The following SP1 variants were observed in gnomAD, a reference collection of about 807,000 sequenced individuals.
SP1 encodes the protein Sp1 transcription factor.
In SP1, 6 loss-of-function variants were observed where a neutral mutation model predicts 66.3. The observed-to-expected ratio is 0.09, with a 90% CI of 0.05 to 0.18. The LOEUF is 0.18. Among genes scored for constraint, SP1 ranks in the 10% least tolerant of loss-of-function variants. The pLI, the probability that SP1 is intolerant of heterozygous loss-of-function variation, is 1.00. For synonymous variants in SP1, 417 were observed against 360.8 expected (o/e 1.16, Z -1.77); for missense variants, 848 against 964.5 (o/e 0.88, Z 1.60).
intron 3 of SP1, among the ~76,000 whole-genome samples, chr12:53,401,096 T>C (rs1938599318): frequency 6.6e-6 from 1 of 152,028 alleles, no homozygotes; most frequent in Admixed American, 6.6e-5. Context: ...TTAAACATAT[T>C]GGTTGCCCCA....
At chr12:53,397,582 T>A (rs918811275) in intron 3 of SP1, among the ~76,000 whole-genome samples, 1 of 101,636 alleles carries the variant, frequency 9.8e-6, no homozygotes, top group Non-Finnish European at 2.1e-5. Flanking sequence ...CTTTTTCCTT[T>A]TTTTTTCTTT....
At chr12:53,404,844 T>C (rs1311360893) in intron 3 of SP1, among the ~76,000 whole-genome samples, 1 of 151,524 alleles carries the variant, frequency 6.6e-6, no homozygotes, top group East Asian at 1.9e-4. Context: ...CTAATTATTA[T>C]TATTATTTGG....
rs996647095 is a variant in SP1, at chr12:53,410,516, G to GT, written c.2045-401dup. Reference sequence around the variant, plus strand: ...ATATACTTGAAGTTTTTTGTTTTTTGTTTTTTTTTTGAGACAGAGTCTCTG... The same window carrying GT: ...ATATACTTGAAGTTTTTTGTTTTTTGTTTTTTTTTTTGAGACAGAGTCTCTG... On this transcript the variant is annotated intron_variant, in intron 5 of 5. Transcript: ENST00000327443. Among the ~76,000 whole-genome samples, 374 of 147,296 alleles carry GT rather than the reference G, an allele frequency of 2.5e-3. 3 individuals are homozygous for GT. The highest frequency in any genetic ancestry group is 3.3e-3 in the Non-Finnish European group (220 of 66,420).
chr12:53,406,729 C>T lies in SP1; in HGVS notation c.1820C>T (p.Pro607Leu). ...RRTRREACTC[P>L]YCKDSEGRGS... ...ACCCGGCGGGAAGCATGCACCTGCC[C>T]CTACTGTAAAGACAGTGAAGGAAGG... Residue 607 changes from proline (P) to leucine (L), a missense_variant, in exon 4 of 6, where the codon CCC becomes CTC. Pro to Leu is a moderately conservative substitution (Grantham distance 98, BLOSUM62 -3). Around this residue, in one of 7 missense-constraint regions of SP1, gnomAD observed 18 missense variants for 19.0 expected, o/e 0.95. Transcript: ENST00000327443. 6.2e-7 allele frequency: 1 copy of T among 1,613,908 alleles called. No homozygotes were observed. The highest frequency in any genetic ancestry group is 8.5e-7 in the Non-Finnish European group (1 of 1,179,984).
chr12:53,406,213 G>C (rs1938735396), intron 3 of SP1, among the ~76,000 whole-genome samples: 1 of 151,728 alleles, frequency 6.6e-6, no homozygotes, highest in African/African-American at 2.4e-5. Context: ...TGGGATTACA[G>C]GCATGCGTAC....
intron 3 of SP1, among the ~76,000 whole-genome samples, chr12:53,389,453 C>T (rs1938303625): frequency 6.6e-6 from 1 of 151,886 alleles, no homozygotes; most frequent in African/African-American, 2.4e-5. Context: ...AGGTGATCTG[C>T]CTGCCTCGGC....
intron 3 of SP1, among the ~76,000 whole-genome samples, chr12:53,398,673 G>A (rs1938542523): frequency 6.6e-6 from 1 of 152,200 alleles, no homozygotes; most frequent in African/African-American, 2.4e-5. Flanking sequence ...AACTGTGGTT[G>A]TGCACAAAGG....
At chr12:53,386,327 G>A (rs1284891083) in intron 3 of SP1, among the ~76,000 whole-genome samples, 1 of 152,036 alleles carries the variant, frequency 6.6e-6, no homozygotes, top group Non-Finnish European at 1.5e-5. Context: ...AGAAGAGTTA[G>A]GAATGAGGAG....
At chr12:53,389,984 A>G (rs1938313277) in intron 3 of SP1, among the ~76,000 whole-genome samples, 2 of 152,340 alleles carry the variant, frequency 1.3e-5, no homozygotes, top group African/African-American at 4.8e-5. Flanking sequence ...TTCTCTTAGA[A>G]GTTAAGTTGA....
Position 53,382,189 on chromosome 12 carries a change from C to T in SP1, c.242C>T (p.Ser81Phe). The stretch of plus-strand genomic sequence containing the variant: ...TCACCCAATGAGAACAGCAACAACT[C>T]CCAGGGCCCGAGTCAGTCAGGGGGA... ...IESPNENSNNSQGPSQSGGTG... is the reference protein window; with the variant it reads ...IESPNENSNNFQGPSQSGGTG... The change falls in exon 3 of 6, where the codon TCC becomes TTC. Residue 81 changes from serine (S) to phenylalanine (F), a missense_variant. Around this residue, in one of 7 missense-constraint regions of SP1, gnomAD observed 606 missense variants for 589.9 expected, o/e 1.03. Transcript: ENST00000327443. 1 of 1,614,072 alleles carries T rather than the reference C, an allele frequency of 6.2e-7. No individual in the cohort carries two copies. The highest frequency in any genetic ancestry group is 2.2e-5 in the East Asian group (1 of 44,906).
At chr12:53,409,255 T>TA in intron 4 of SP1, 107 bp from the exon 5 acceptor site, 1 of 898,100 alleles carries the variant, frequency 1.1e-6, no homozygotes, top group South Asian at 1.7e-5. Flanking sequence ...TTTCAAAAAA[T>TA]AAAAGTTTGG....
chr12:53,399,212 C>T (rs557520907), intron 3 of SP1, among the ~76,000 whole-genome samples: 5 of 152,272 alleles, frequency 3.3e-5, no homozygotes, highest in Non-Finnish European at 7.3e-5. Flanking sequence ...CTGTGATGAA[C>T]ATCCTTATCA....
rs1394329207 is a variant in SP1 at position 53,414,027 on chromosome 12, AG to A, written c.*2788del. 1 of 152,206 alleles carries A rather than the reference AG, an allele frequency of 6.6e-6. No individual in the cohort carries two copies. Among genetic ancestry groups the A allele is most frequent in the African/African-American group, 2.4e-5 (1 of 41,454 alleles). The allele number at this position is 152,206 out of a possible 1,614,324, so 9.4% of individuals were successfully genotyped here. ...CTTCTTTTGTCTCCCAGCAGTAGTG[AG>A]CCACTCAGTCTCTTCCACAGGAAGT... is the stretch of plus-strand genomic sequence containing the variant. On this transcript the variant is annotated 3_prime_UTR_variant, in exon 6 of 6. Coordinates refer to ENST00000327443, the MANE Select transcript of SP1 (RefSeq NM_138473.3).
chr12:53,380,258 A>G lies in SP1; in HGVS notation c.-34A>G. On this transcript the variant is annotated 5_prime_UTR_variant, in exon 1 of 6. Coordinates refer to ENST00000327443, the MANE Select transcript of SP1 (RefSeq NM_138473.3). ...CCGGCCCCCCCCAACCCCCCCGGAC[A>G]GGACCCCCTTGAGCTTGTCCCTCAG... 2.2e-5 allele frequency: 13 copies of G among 578,468 alleles called. No individual in the cohort carries two copies. The highest frequency in any genetic ancestry group is 3.9e-5 in the Non-Finnish European group (12 of 309,106). The allele number at this position is 578,468 out of a possible 1,614,324, so 35.8% of individuals were successfully genotyped here.
intron 1 of SP1, chr12:53,380,511 G>T: frequency 2.0e-6 from 1 of 500,962 alleles, no homozygotes. Context: ...CCCCGGGGGA[G>T]GGGGCAGCGT....
At chr12:53,400,147 T>C (rs1938578487) in intron 3 of SP1, among the ~76,000 whole-genome samples, 1 of 152,310 alleles carries the variant, frequency 6.6e-6, no homozygotes, top group Non-Finnish European at 1.5e-5. Flanking sequence ...GAAACACCTC[T>C]TGCCCATTGG....
Position 53,414,468 on chromosome 12 carries a change from C to T in SP1, c.*3228C>T, listed in dbSNP as rs1938956330. On this transcript the variant is annotated 3_prime_UTR_variant, in exon 6 of 6. Coordinates refer to ENST00000327443, the MANE Select transcript of SP1 (RefSeq NM_138473.3). ...CAGCCTGGTTCAGAATAAATTGATC[C>T]TTTGATCCCAGAAAGTATATACTGA... 1 of 152,522 alleles carries T rather than the reference C, an allele frequency of 6.6e-6. No homozygotes were observed. Among genetic ancestry groups the T allele is most frequent in the Admixed American group, 6.6e-5 (1 of 15,254 alleles). The allele number at this position is 152,522 out of a possible 1,614,324, so 9.4% of individuals were successfully genotyped here. A position where few individuals can be genotyped will look rare whatever the true frequency, so the allele number is the denominator to read the frequency against.
At chr12:53,401,324 G>A (rs1209229892) in intron 3 of SP1, among the ~76,000 whole-genome samples, 3 of 151,486 alleles carry the variant, frequency 2.0e-5, no homozygotes, top group South Asian at 4.2e-4. Flanking sequence ...GGTGGTGGGC[G>A]CCTGTAATCC....
At chr12:53,399,155 C>T (rs1192000167) in intron 3 of SP1, among the ~76,000 whole-genome samples, 5 of 152,124 alleles carry the variant, frequency 3.3e-5, no homozygotes, top group African/African-American at 7.2e-5. Context: ...TTAACTTAAC[C>T]TTATTGATGT....
Sources: gnomAD v4.1 joint callset for allele counts (sites outside exome capture counted in the v4.1 genomes callset) on GRCh38, gnomAD v4.1.1 for gene constraint, gnomAD v4.1.1 regional missense constraint, MANE v1.5 for transcripts, NCBI Gene and HGNC (gene_info 2026-07-23, HGNC 2026-07-21) for gene names.